Variants in RAD51B observed in about 807,000 individuals in gnomAD.
RAD51B encodes the protein DNA repair protein RAD51 homolog 2.
RAD51B carries 38 observed loss-of-function variants against 42.2 expected under a neutral mutation model. The ratio of observed to expected loss-of-function variants is 0.90; its 90% CI spans 0.70 to 1.18. The LOEUF is 1.18. Ranked by LOEUF, RAD51B falls within the 50% of genes most tolerant of loss-of-function variation. The pLI is 0.00. For missense variants in RAD51B, 373 were observed against 400.7 expected, an observed-to-expected ratio of 0.93 and a Z score of 0.59; for synonymous variants, 154 against 145.2, an observed-to-expected ratio of 1.06 and a Z score of -0.43.
Position 68,465,992 on chromosome 14 carries a change from A to AAATAAATT in RAD51B, c.958-2177_958-2176insAAATTAAT, listed in dbSNP as rs1266757141. ...TAAATAAATAAATAAATAAATAAAT[A>AAATAAATT]AATTCACATTGAACCATCTCCGAAC... On this transcript the variant is annotated intron_variant, in intron 9 of 10. Coordinates refer to ENST00000471583, the MANE Select transcript of RAD51B (RefSeq NM_133510.4). 1.9e-3 allele frequency among the ~76,000 whole-genome samples: 277 copies of AAATAAATT among 149,594 alleles called. 1 individual carries two copies. The highest frequency in any genetic ancestry group is 6.4e-3 in the African/African-American group (253 of 39,832).
chr14:68,619,956 T>C (rs1364927157), intron 10 of RAD51B, among the ~76,000 whole-genome samples: 1 of 152,182 alleles, frequency 6.6e-6, no homozygotes, highest in East Asian at 1.9e-4. Flanking sequence ...ACTTGATCCT[T>C]GCCCCAAATA....
chr14:68,628,707 G>A (rs554534123), intron 10 of RAD51B, among the ~76,000 whole-genome samples: 1 of 152,146 alleles, frequency 6.6e-6, no homozygotes, highest in Non-Finnish European at 1.5e-5. Flanking sequence ...CAGAGGGTAG[G>A]GGGTGAGGAG....
intron 1 of RAD51B, among the ~76,000 whole-genome samples, chr14:67,820,963 G>A (rs867069749): frequency 6.6e-6 from 1 of 152,184 alleles, no homozygotes; most frequent in Admixed American, 6.5e-5. Context: ...TGAGAAGGAA[G>A]TGAGGGACCA....
intron 10 of RAD51B, among the ~76,000 whole-genome samples, chr14:68,548,359 C>G (rs1888344214): frequency 6.6e-6 from 1 of 152,232 alleles, no homozygotes; most frequent in African/African-American, 2.4e-5. Flanking sequence ...CCGGCTCCCA[C>G]TCAGGCTCGT....
intron 7 of RAD51B, among the ~76,000 whole-genome samples, chr14:67,983,083 T>C (rs2075124820): frequency 6.6e-6 from 1 of 152,088 alleles, no homozygotes; most frequent in African/African-American, 2.4e-5. Flanking sequence ...GTAGAAACTG[T>C]CTAATACTAT....
intron 7 of RAD51B, among the ~76,000 whole-genome samples, chr14:68,149,142 C>T (rs2078319391): frequency 6.6e-6 from 1 of 152,088 alleles, no homozygotes; most frequent in Non-Finnish European, 1.5e-5. Flanking sequence ...AATTTTCTCC[C>T]AATATTTGGT....
chr14:68,084,366 A>G (rs1360833786), intron 7 of RAD51B, among the ~76,000 whole-genome samples: 1 of 152,162 alleles, frequency 6.6e-6, no homozygotes, highest in African/African-American at 2.4e-5. Context: ...CTGGGGCACT[A>G]TGGACATTTT....
intron 7 of RAD51B, among the ~76,000 whole-genome samples, chr14:68,092,696 T>C (rs1244035798): frequency 1.3e-5 from 2 of 152,176 alleles, no homozygotes; most frequent in Non-Finnish European, 2.9e-5. Context: ...TTTATTTCCT[T>C]TTCCTGCCTG....
chr14:67,947,968 A>G (rs2140198051), intron 7 of RAD51B, among the ~76,000 whole-genome samples: 1 of 152,362 alleles, frequency 6.6e-6, no homozygotes, highest in South Asian at 2.1e-4. Context: ...TTACAACTAT[A>G]GGAAAGAAGA....
At chr14:68,463,392 G>A (rs6573837) in intron 9 of RAD51B, among the ~76,000 whole-genome samples, 67,253 of 151,982 alleles carry the variant, frequency 0.44, 15,844 homozygotes, top group African/African-American at 0.61. Flanking sequence ...CAAAAGCAAT[G>A]TGCATCTTCA....
At chr14:68,479,215 G>A (rs537299767), downstream of RAD51B, among the ~76,000 whole-genome samples, 13 of 152,264 alleles carry the variant, frequency 8.5e-5, no homozygotes, top group South Asian at 4.1e-4. Context: ...GTGAGTTTTC[G>A]TATTTAATCA....
chr14:68,177,215 C>T (rs1272937051), intron 7 of RAD51B, among the ~76,000 whole-genome samples: 1 of 152,206 alleles, frequency 6.6e-6, no homozygotes, highest in African/African-American at 2.4e-5. Context: ...ATGTTTTCCT[C>T]TAAAACTTTT....
chr14:67,986,001 G>A (rs1204311436), intron 7 of RAD51B, among the ~76,000 whole-genome samples: 1 of 144,078 alleles, frequency 6.9e-6, no homozygotes, highest in African/African-American at 2.9e-5. Context: ...TGTTTCCACT[G>A]TACCTTGATT....
chr14:68,465,045 C>T (rs528291672), intron 9 of RAD51B, among the ~76,000 whole-genome samples: 2 of 152,142 alleles, frequency 1.3e-5, no homozygotes, highest in Non-Finnish European at 2.9e-5. Context: ...AGATGCCATT[C>T]TTGTGTCTCA....
chr14:68,451,949 C>A lies in RAD51B; in HGVS notation c.958-16223C>A, dbSNP rs550644468. On this transcript the variant is annotated intron_variant, in intron 9 of 10. Coordinates refer to ENST00000471583, the MANE Select transcript of RAD51B (RefSeq NM_133510.4). Reference sequence around the variant, plus strand: ...TGTGTGCTTCAGAATTCAAGACACACCCTCTGAGTTCCTGGCATCTTTTTA... The same window carrying A: ...TGTGTGCTTCAGAATTCAAGACACAACCTCTGAGTTCCTGGCATCTTTTTA... Among the ~76,000 whole-genome samples the A allele has an allele frequency of 2.0e-5, 3 of 152,332 alleles. No homozygotes were observed. The East Asian group carries it at 5.8e-4, about 29-fold the overall frequency.
chr14:67,844,357 T>C (rs1017106254), intron 4 of RAD51B, among the ~76,000 whole-genome samples: 1 of 151,862 alleles, frequency 6.6e-6, no homozygotes, highest in African/African-American at 2.4e-5. Flanking sequence ...TCTGTAGATG[T>C]CTATTAGGTT....
intron 4 of RAD51B, among the ~76,000 whole-genome samples, chr14:67,845,173 T>G (rs2041568803): frequency 6.6e-6 from 1 of 152,196 alleles, no homozygotes; most frequent in African/African-American, 2.4e-5. Flanking sequence ...TGCAGACTTG[T>G]TTGTGTTGTT....
At chr14:68,610,016 C>G (rs1342082780) in intron 10 of RAD51B, among the ~76,000 whole-genome samples, 1 of 152,086 alleles carries the variant, frequency 6.6e-6, no homozygotes, top group Non-Finnish European at 1.5e-5. Flanking sequence ...TCCACATCTT[C>G]AGCCAGTGCT....
At chr14:67,894,463 C>G (rs938362471) in intron 7 of RAD51B, among the ~76,000 whole-genome samples, 1 of 152,046 alleles carries the variant, frequency 6.6e-6, no homozygotes, top group East Asian at 1.9e-4. Context: ...CACTTGTGTC[C>G]AAAACTCCAT....
Sources: gnomAD v4.1 joint callset for allele counts (sites outside exome capture counted in the v4.1 genomes callset) on GRCh38, gnomAD v4.1.1 for gene constraint, MANE v1.5 for transcripts, NCBI Gene and HGNC (gene_info 2026-07-23, HGNC 2026-07-21) for gene names.